Variants in RNF31 observed in about 807,000 individuals in gnomAD.
The protein encoded by RNF31 is ring finger protein 31.
A neutral mutation model predicts 133.6 loss-of-function variants in RNF31; 38 were observed. The observed-to-expected ratio is 0.28, with a 90% CI of 0.22 to 0.37. RNF31 has a LOEUF of 0.37. RNF31 is among the 10% of genes least tolerant of loss of function. The pLI is 1.00. For missense variants in RNF31, 1,118 were observed against 1,394.1 expected (o/e 0.80, Z 3.15); for synonymous variants, 582 against 552.3 (o/e 1.05, Z -0.75).
chr14:24,158,278 G>A (rs1272692472), intron 18 of RNF31, 79 bp downstream of exon 18: 10 of 1,356,826 alleles, frequency 7.4e-6, no homozygotes, highest in Middle Eastern at 2.0e-4. Context: ...GGGGAGGCTT[G>A]GGTCTGGGGT....
rs2038364288 is a variant in RNF31, at chr14:24,157,657, G to C, written c.2727+19G>C. 1 of 1,595,606 alleles carries C rather than the reference G, an allele frequency of 6.3e-7. No individual in the cohort carries two copies. Among genetic ancestry groups the C allele is most frequent in the Admixed American group, 1.7e-5 (1 of 59,952 alleles). On this transcript the variant is annotated intron_variant, in intron 16 of 20. Coordinates refer to ENST00000324103, the MANE Select transcript of RNF31 (RefSeq NM_017999.5). ...CAAGAATGTAAGCCCAGAGAGTTGG[G>C]GAAGGGGTGGAAGGGTGGGGGGTGC...
chr14:24,155,403 C>T lies in RNF31; in HGVS notation c.2305-11C>T, dbSNP rs2038327005. The T allele has an allele frequency of 6.2e-7, 1 of 1,613,008 alleles. No homozygotes were observed. The highest frequency in any genetic ancestry group is 8.5e-7 in the Non-Finnish European group (1 of 1,178,998). ...ACCCTCCCACCCACCACCTCTGCAT[C>T]CTGTCCCCAGCTTCGCGAGAGCCTA... is the stretch of plus-strand genomic sequence containing the variant. On this transcript the variant is annotated splice_polypyrimidine_tract_variant and intron_variant, in intron 12 of 20. Coordinates refer to ENST00000324103, the MANE Select transcript of RNF31 (RefSeq NM_017999.5). This position sits in a 1 kb window ranked among gnomAD's most constrained non-coding sequence, Gnocchi z 4.9.
Position 24,150,066 on chromosome 14 carries a change from C to G in RNF31, c.815C>G (p.Pro272Arg), listed in dbSNP as rs780888643. 4.5e-6 allele frequency: 7 copies of G among 1,565,188 alleles called. No homozygotes were observed. The African/African-American group carries it at 6.8e-5, about 15-fold the overall frequency. ...LQGTHLSPSL[P>R]ASAQPRPQST... Reference sequence around the variant, plus strand: ...TGTCTGCTTTTCCATTACAGTTTACCTGCCTCAGCCCAACCACGGCCCCAG... The same window carrying G: ...TGTCTGCTTTTCCATTACAGTTTACGTGCCTCAGCCCAACCACGGCCCCAG... The change falls in exon 7 of 21, where the codon CCT becomes CGT. Residue 272 changes from proline to arginine, a missense_variant. Coordinates refer to ENST00000324103, the MANE Select transcript of RNF31 (RefSeq NM_017999.5).
At chr14:24,147,002 C>G (rs1005681520), upstream of RNF31, 2 of 237,198 alleles carry the variant, frequency 8.4e-6, no homozygotes, top group Non-Finnish European at 1.7e-5. Flanking sequence ...GAGATCAGAG[C>G]GAGTGGGAGG....
chr14:24,150,680 G>C lies in RNF31; in HGVS notation c.1280G>C (p.Trp427Ser), dbSNP rs1317646641. 6.2e-7 allele frequency: 1 copy of C among 1,614,234 alleles called. No individual in the cohort carries two copies. Among genetic ancestry groups the C allele is most frequent in the South Asian group, 1.1e-5 (1 of 91,088 alleles). The change falls in exon 8 of 21, where the codon TGG (tryptophan) becomes TCG (serine). Residue 427 changes from tryptophan to serine, a missense_variant. By Grantham distance (177) the Trp-to-Ser change is radical. Transcript: ENST00000324103. ...ACCTTCTGCAACTCGAGCCCTGGCT[G>C]GGTGTGTGTTATGTGCAACCGGACT... ...HCTFCNSSPG[W>S]VCVMCNRTSS...
chr14:24,160,183 C>T lies in RNF31; in HGVS notation c.2997-56C>T. 1.3e-6 allele frequency: 2 copies of T among 1,562,392 alleles called. No homozygotes were observed. The highest frequency in any genetic ancestry group is 2.3e-5 in the East Asian group (1 of 44,372). ...TGTCTCAGAGTCCAGCTATGTTAGA[C>T]ACACTCAGTTAATATTAGCCAACAC... On this transcript the variant is annotated intron_variant, in intron 19 of 20. Coordinates refer to ENST00000324103, the MANE Select transcript of RNF31 (RefSeq NM_017999.5). The surrounding 1 kb of genome is among the most constrained non-coding windows in gnomAD (Gnocchi z 4.0).
At position 24,150,765 on chromosome 14, in the gene RNF31, A is replaced by T. The variant is rs1320466908; in HGVS notation, c.1365A>T (p.Gly455=). 22 of 1,587,504 alleles carry T rather than the reference A, an allele frequency of 1.4e-5. No individual in the cohort carries two copies. The East Asian group carries it at 2.8e-4, about 20-fold the overall frequency. ...PRPYASSLEK[G]PPKPGPPRRL... ...CCTATGCCAGCTCTTTGGAAAAGGG[A>T]CCCCCCAAGCCTGGGCCCCCACGAC... Residue 455 remains glycine, a synonymous_variant, in exon 8 of 21, where the codon GGA becomes GGT. Coordinates refer to ENST00000324103, the MANE Select transcript of RNF31 (RefSeq NM_017999.5).
At chr14:24,147,485 C>A, upstream of RNF31, 1 of 414,764 alleles carries the variant, frequency 2.4e-6, no homozygotes, top group Non-Finnish European at 4.2e-6. Flanking sequence ...GGGTCGCAGT[C>A]CCACCCTCTC....
At chr14:24,149,660 T>G (rs2038233040) in intron 6 of RNF31, 77 bp downstream of exon 6, 1 of 1,431,902 alleles carries the variant, frequency 7.0e-7, no homozygotes, top group Admixed American at 1.9e-5. Context: ...ACCTGCCAGT[T>G]TCTGTGCTAA....
Position 24,151,540 on chromosome 14 carries a change from T to C in RNF31, c.1793T>C (p.Leu598Ser). Reference sequence around the variant, plus strand: ...CCTGAGGAGGGGTCTCTCCAGGCATTGTTCCAGCACGGAGGTGATGTGTCA... The same window carrying C: ...CCTGAGGAGGGGTCTCTCCAGGCATCGTTCCAGCACGGAGGTGATGTGTCA... ...FGPEEGSLQA[L>S]FQHGGDVSRA... Residue 598 changes from leucine (L) to serine (S), a missense_variant, in exon 10 of 21, where the codon TTG becomes TCG. Physicochemically the swap from Leu to Ser is moderately radical, Grantham distance 145. Transcript: ENST00000324103. The surrounding 1 kb of genome is among the most constrained non-coding windows in gnomAD (Gnocchi z 5.3). The C allele has an allele frequency of 6.2e-7, 1 of 1,614,164 alleles. No homozygotes were observed. The highest frequency in any genetic ancestry group is 8.5e-7 in the Non-Finnish European group (1 of 1,180,026).
chr14:24,158,995 C>T (rs866257943), intron 18 of RNF31, among the ~76,000 whole-genome samples: 194 of 135,812 alleles, frequency 1.4e-3, no homozygotes, highest in Non-Finnish European at 2.1e-3. Context: ...ATGGCGCCAC[C>T]GCACTCCAGC....
upstream of RNF31, chr14:24,146,973 C>A: frequency 3.6e-6 from 1 of 275,616 alleles, no homozygotes; most frequent in East Asian, 1.1e-4. Flanking sequence ...AAGGCTCGAC[C>A]GCAAGTAGCG....
chr14:24,159,352 CAAAAAAAAAA>C (rs777764741), intron 18 of RNF31, among the ~76,000 whole-genome samples: 1 of 54,338 alleles, frequency 1.8e-5, no homozygotes, highest in Non-Finnish European at 3.9e-5. Context: ...AACTCCATCT[CAAAAAAAAAA>C]AAAAAAAAAA....
Position 24,151,333 on chromosome 14 carries a change from A to G in RNF31, c.1691A>G (p.Asn564Ser). ...ARRAWLDRHG[N>S]LDEAVEECVR... ...AGAGCCTGGCTGGATCGTCATGGCA[A>G]CCTTGATGAAGCTGTGGAGGAGTGT... The change falls in exon 9 of 21, where the codon AAC becomes AGC. Residue 564 changes from asparagine (N) to serine (S), a missense_variant. By Grantham distance (46) the Asn-to-Ser change is conservative (BLOSUM62 1). Transcript: ENST00000324103. This position sits in a 1 kb window ranked among gnomAD's most constrained non-coding sequence, Gnocchi z 5.3. The G allele has an allele frequency of 1.2e-6, 2 of 1,614,198 alleles. No homozygotes were observed. The highest frequency in any genetic ancestry group is 1.7e-6 in the Non-Finnish European group (2 of 1,180,044).
At chr14:24,158,930 G>A (rs1478410522) in intron 18 of RNF31, among the ~76,000 whole-genome samples, 1 of 151,480 alleles carries the variant, frequency 6.6e-6, no homozygotes, top group Non-Finnish European at 1.5e-5. Flanking sequence ...CTACTCGGGA[G>A]GCTGAGGCAG....
In RNF31 at chr14:24,151,385, A is replaced by T; in HGVS notation, c.1737+6A>T. 1.9e-6 allele frequency: 3 copies of T among 1,614,182 alleles called. No homozygotes were observed. Among genetic ancestry groups the T allele is most frequent in the Non-Finnish European group, 2.5e-6 (3 of 1,180,014 alleles). On this transcript the variant is annotated splice_donor_region_variant and intron_variant, in intron 9 of 20. Transcript: ENST00000324103. The surrounding 1 kb of genome is among the most constrained non-coding windows in gnomAD (Gnocchi z 5.3). ...TGAGGACCAGGCGAAGGAAGGTATCAGCTGTGCTGGATATGGGATAGGGTC... is the reference window on the plus strand; with the variant it reads ...TGAGGACCAGGCGAAGGAAGGTATCTGCTGTGCTGGATATGGGATAGGGTC...
rs767104283 is a variant in RNF31 at position 24,155,515 on chromosome 14, A to G, written c.2403+3A>G. ...CCAAGTTCTTGTGGTGTGCCCAGGT[A>G]AGTGGCCTGCCCAGGGCAGCTACTG... On this transcript the variant is annotated splice_donor_region_variant and intron_variant, in intron 13 of 20. Coordinates refer to ENST00000324103, the MANE Select transcript of RNF31 (RefSeq NM_017999.5). The surrounding 1 kb of genome is among the most constrained non-coding windows in gnomAD (Gnocchi z 4.9). 2 of 1,614,154 alleles carry G rather than the reference A, an allele frequency of 1.2e-6. No individual in the cohort carries two copies. Among genetic ancestry groups the G allele is most frequent in the Non-Finnish European group, 1.7e-6 (2 of 1,179,982 alleles).
chr14:24,151,120 C>T lies in RNF31; in HGVS notation c.1489-11C>T. Reference sequence around the variant, plus strand: ...AGGGTGCCCCTCCTGATGGGCGGGACTGTGCCTTAGGAAGGGGAAGCCGCA... The same window carrying T: ...AGGGTGCCCCTCCTGATGGGCGGGATTGTGCCTTAGGAAGGGGAAGCCGCA... On this transcript the variant is annotated splice_polypyrimidine_tract_variant and intron_variant, in intron 8 of 20. Transcript: ENST00000324103. This position sits in a 1 kb window ranked among gnomAD's most constrained non-coding sequence, Gnocchi z 5.3. 2 of 1,612,998 alleles carry T rather than the reference C, an allele frequency of 1.2e-6. No homozygotes were observed. The highest frequency in any genetic ancestry group is 1.7e-4 in the Middle Eastern group (1 of 5,870).
chr14:24,160,502 T>G lies in RNF31; in HGVS notation c.3166-18T>G. 6.4e-7 allele frequency: 1 copy of G among 1,556,448 alleles called. No individual in the cohort carries two copies. On this transcript the variant is annotated intron_variant, in intron 20 of 20. Transcript: ENST00000324103. This position sits in a 1 kb window ranked among gnomAD's most constrained non-coding sequence, Gnocchi z 4.0. ...GCTCCAGGCTTCCAATATCATTACCTTCTCTCTCCTTCTGCAGAAGCTGAC... is the reference window on the plus strand; with the variant it reads ...GCTCCAGGCTTCCAATATCATTACCGTCTCTCTCCTTCTGCAGAAGCTGAC...
Sources: gnomAD v4.1 joint callset for allele counts (sites outside exome capture counted in the v4.1 genomes callset) on GRCh38, gnomAD v4.1.1 for gene constraint, Gnocchi (gnomAD v3.1) non-coding constraint, MANE v1.5 for transcripts, NCBI Gene and HGNC (gene_info 2026-07-23, HGNC 2026-07-21) for gene names.